Variants in RASSF5 observed in about 807,000 individuals in gnomAD.
RASSF5 encodes Ras association domain family member 5.
In RASSF5, 25 loss-of-function variants were observed where a neutral mutation model predicts 40.5. The ratio of observed to expected loss-of-function variants is 0.62; its 90% CI spans 0.45 to 0.86. The LOEUF (loss-of-function observed/expected upper bound fraction) is 0.86, where lower values mean the gene tolerates loss of function less well. RASSF5 is among the 40% of genes least tolerant of loss of function. The pLI, the probability that RASSF5 is intolerant of heterozygous loss-of-function variation, is 0.00. For missense variants in RASSF5, 521 were observed against 572.8 expected, an observed-to-expected ratio of 0.91 and a Z score of 0.92; for synonymous variants, 246 against 252.4, an observed-to-expected ratio of 0.97 and a Z score of 0.24.
At chr1:206,568,400 C>T (rs1400869169) in intron 2 of RASSF5, among the ~76,000 whole-genome samples, 8 of 152,148 alleles carry the variant, frequency 5.3e-5, no homozygotes, top group African/African-American at 1.9e-4. Context: ...TGGAGGGAAG[C>T]CAGGAAGGGC....
chr1:206,532,252 T>C (rs1408096968), intron 1 of RASSF5, among the ~76,000 whole-genome samples: 1 of 152,160 alleles, frequency 6.6e-6, no homozygotes, highest in Non-Finnish European at 1.5e-5. Flanking sequence ...GGGTAGGGGA[T>C]GGATCATTAA....
intron 2 of RASSF5, among the ~76,000 whole-genome samples, chr1:206,572,300 C>T (rs1483858751): frequency 6.6e-6 from 1 of 152,162 alleles, no homozygotes; most frequent in African/African-American, 2.4e-5. Flanking sequence ...AAAGACCCTG[C>T]CTTGAGGGAG....
intron 1 of RASSF5, among the ~76,000 whole-genome samples, chr1:206,514,593 A>T (rs1666702246): frequency 6.6e-6 from 1 of 152,300 alleles, no homozygotes; most frequent in East Asian, 1.9e-4. Context: ...TCTTATTTAG[A>T]CATCTGCAAT....
At chr1:206,518,471 C>T (rs1666819747) in intron 1 of RASSF5, 2 of 398,686 alleles carry the variant, frequency 5.0e-6, no homozygotes, top group South Asian at 1.3e-4. Context: ...TCTGCAGGCT[C>T]CCGAAGAGCC....
intron 1 of RASSF5, among the ~76,000 whole-genome samples, chr1:206,523,507 T>TA (rs1666972761): frequency 4.0e-4 from 7 of 17,306 alleles, no homozygotes; most frequent in South Asian, 8.0e-3. Context: ...ATATATTTTA[T>TA]ATATTATATA....
chr1:206,545,187 A>G (rs1305665573), intron 2 of RASSF5, among the ~76,000 whole-genome samples: 1 of 152,090 alleles, frequency 6.6e-6, no homozygotes, highest in Non-Finnish European at 1.5e-5. Context: ...ACATTTTTTG[A>G]GGCATACCTG....
In RASSF5 at chr1:206,550,043, A is replaced by C. The variant is rs571940153; in HGVS notation, c.579+11750A>C. 2.0e-5 allele frequency among the ~76,000 whole-genome samples: 3 copies of C among 151,876 alleles called. No individual in the cohort carries two copies. The East Asian group carries it at 5.8e-4, about 29-fold the overall frequency. On this transcript the variant is annotated intron_variant, in intron 2 of 5. Transcript: ENST00000579436. ...ACTCGGGCTGCCTTTGTCTCCCTAG[A>C]CTCGAGCAGCATCTCCTCAGCTTCA...
At chr1:206,583,133 G>A in intron 2 of RASSF5, 136 bp from the exon 3 acceptor site, 1 of 632,280 alleles carries the variant, frequency 1.6e-6, no homozygotes, top group Non-Finnish European at 2.9e-6. Flanking sequence ...CTCACTCCGA[G>A]TCCGTGCAGT....
At chr1:206,511,618 G>A (rs1553394661) in intron 1 of RASSF5, among the ~76,000 whole-genome samples, 1 of 152,146 alleles carries the variant, frequency 6.6e-6, no homozygotes, top group Non-Finnish European at 1.5e-5. Context: ...TTAAGTGATT[G>A]GAATTACATG....
chr1:206,529,200 G>T, intron 1 of RASSF5: 2 of 1,412,284 alleles, frequency 1.4e-6, no homozygotes, highest in Non-Finnish European at 1.9e-6. Flanking sequence ...GCTTAAGCTG[G>T]CCCACAAGTA....
chr1:206,513,349 A>G lies in RASSF5; in HGVS notation c.457+5290A>G, dbSNP rs1666666082. ...CTCACCAGAGGCCCTTCCTGTTCGC[A>G]TTCCTCAGATGGCAAGGTGAGTATT... On this transcript the variant is annotated intron_variant, in intron 1 of 5. Transcript: ENST00000579436. The surrounding 1 kb of genome is among the most constrained non-coding windows in gnomAD (Gnocchi z 5.0). 6.6e-6 allele frequency among the ~76,000 whole-genome samples: 1 copy of G among 152,194 alleles called. No homozygotes were observed. Among genetic ancestry groups the G allele is most frequent in the South Asian group, 2.1e-4 (1 of 4,832 alleles).
At chr1:206,586,763 G>C in intron 5 of RASSF5, 63 bp from the exon 6 acceptor site, 8 of 1,304,152 alleles carry the variant, frequency 6.1e-6, no homozygotes, top group Non-Finnish European at 8.7e-6. Flanking sequence ...CTCTCAGGTC[G>C]TGTCAACTTC....
intron 1 of RASSF5, among the ~76,000 whole-genome samples, chr1:206,521,903 AG>A (rs1666918926): frequency 6.6e-6 from 1 of 152,170 alleles, no homozygotes; most frequent in Non-Finnish European, 1.5e-5. Flanking sequence ...TGCCTAGACG[AG>A]GGGCCCCTCC....
At position 206,507,869 on chromosome 1, in the gene RASSF5, G is replaced by A; in HGVS notation, c.267G>A (p.Gln89=). 4 of 1,491,176 alleles carry A rather than the reference G, an allele frequency of 2.7e-6. No individual in the cohort carries two copies. Among genetic ancestry groups the A allele is most frequent in the East Asian group, 5.7e-5 (2 of 35,044 alleles). The allele number at this position is 1,491,176 out of a possible 1,614,324, so 92.4% of individuals were successfully genotyped here. A position where few individuals can be genotyped will look rare whatever the true frequency, so the allele number is the denominator to read the frequency against. ...PARPLRPGLQ[Q]RLRRRPGAPR... is the part of the protein sequence containing the mutation. The stretch of plus-strand genomic sequence containing the variant: ...GCCCGCTCCGGCCTGGTCTGCAGCA[G>A]AGACTGCGGCGGCGGCCTGGAGCGC... The change falls in exon 1 of 6, where the codon CAG becomes CAA. Residue 89 remains glutamine, a synonymous_variant. Coordinates refer to ENST00000579436, the MANE Select transcript of RASSF5 (RefSeq NM_182663.4).
chr1:206,538,124 G>A lies in RASSF5; in HGVS notation c.458-48G>A, dbSNP rs371378246. The A allele has an allele frequency of 2.7e-5, 43 of 1,611,942 alleles. No homozygotes were observed. The Middle Eastern group carries it at 6.6e-4, about 25-fold the overall frequency. On this transcript the variant is annotated intron_variant, in intron 1 of 5. Coordinates refer to ENST00000579436, the MANE Select transcript of RASSF5 (RefSeq NM_182663.4). ...GGTTATTTCTCTGGGTGAAAGTGGG[G>A]AGGAATCCTGCCTGTCCTCTAATCT... is the stretch of plus-strand genomic sequence containing the variant.
At chr1:206,519,819 T>G (rs1181011943) in intron 1 of RASSF5, among the ~76,000 whole-genome samples, 2 of 152,224 alleles carry the variant, frequency 1.3e-5, no homozygotes, top group East Asian at 3.8e-4. Flanking sequence ...AAGTGGGAAT[T>G]TTAATTCAAC....
intron 5 of RASSF5, 103 bp from the exon 6 acceptor site, chr1:206,586,723 T>C: frequency 1.1e-6 from 1 of 870,900 alleles, no homozygotes. Flanking sequence ...GAATCACGGA[T>C]GTGAACTGGG....
In RASSF5 at chr1:206,537,568, C is replaced by CT. The variant is rs374297224; in HGVS notation, c.458-598dup. On this transcript the variant is annotated intron_variant, in intron 1 of 5. Transcript: ENST00000579436. ...GACCGGAAGTGTTTCTGATTTTGGA[C>CT]TTTTTTCAGATTTGGGAATATGTAT... Among the ~76,000 whole-genome samples, 669 of 152,212 alleles carry CT rather than the reference C, an allele frequency of 4.4e-3. 3 individuals are homozygous for CT. Among genetic ancestry groups the CT allele is most frequent in the African/African-American group, 0.014 (582 of 41,528 alleles).
intron 2 of RASSF5, among the ~76,000 whole-genome samples, chr1:206,573,999 G>T (rs868979831): frequency 2.0e-5 from 3 of 152,244 alleles, no homozygotes; most frequent in Middle Eastern, 3.2e-3. Context: ...TGTTATTTAG[G>T]GGATTAAATG....
Sources: allele counts gnomAD v4.1 joint callset (sites outside exome capture counted in the v4.1 genomes callset), GRCh38; gene constraint gnomAD v4.1.1; non-coding constraint Gnocchi (gnomAD v3.1); transcripts MANE v1.5; gene names NCBI Gene and HGNC (gene_info 2026-07-23, HGNC 2026-07-21).